ARNT2: variants seen among roughly 807,000 people sequenced by gnomAD.
The protein encoded by ARNT2 is aryl hydrocarbon receptor nuclear translocator 2, also known as ARNT protein 2.
In ARNT2, 36 loss-of-function variants were observed where a neutral mutation model predicts 91.7. The ratio of observed to expected loss-of-function variants is 0.39; its 90% confidence interval spans 0.30 to 0.52. The LOEUF is 0.52. ARNT2 is among the 20% of genes least tolerant of loss of function. ARNT2 has a pLI of 0.72. For missense variants in ARNT2, 775 were observed against 939.3 expected, an observed-to-expected ratio of 0.83 and a Z score of 2.29; for synonymous variants, 365 against 347.1, an observed-to-expected ratio of 1.05 and a Z score of -0.57.
chr15:80,597,008 T>C lies in ARNT2; in HGVS notation c.*3310T>C, dbSNP rs1893384440. The C allele has an allele frequency of 2.6e-6, 1 of 387,408 alleles. No individual in the cohort carries two copies. The highest frequency in any genetic ancestry group is 5.1e-6 in the Non-Finnish European group (1 of 194,646). 24.0% of individuals were successfully genotyped at this position (387,408 alleles called of 1,614,324 possible). A position where few individuals can be genotyped will look rare whatever the true frequency, so the allele number is the denominator to read the frequency against. The stretch of plus-strand genomic sequence containing the variant: ...TGCTCTACTCTCCAACATACCAGAT[T>C]CTACACTGTTGTTATTTCATGAGAC... On this transcript the variant is annotated 3_prime_UTR_variant, in exon 19 of 19. Coordinates refer to ENST00000303329, the MANE Select transcript of ARNT2 (RefSeq NM_014862.4).
At chr15:80,486,414 A>G (rs1332377753) in intron 5 of ARNT2, among the ~76,000 whole-genome samples, 1 of 152,148 alleles carries the variant, frequency 6.6e-6, no homozygotes, top group Non-Finnish European at 1.5e-5. Flanking sequence ...AGGCAGTGAA[A>G]CCAACAAGGG....
intron 3 of ARNT2, among the ~76,000 whole-genome samples, chr15:80,460,688 G>A (rs1896539942): frequency 6.6e-6 from 1 of 152,210 alleles, no homozygotes; most frequent in South Asian, 2.1e-4. Context: ...GACTGCAGTG[G>A]GCTGAGGACT....
intron 8 of ARNT2, among the ~76,000 whole-genome samples, chr15:80,546,527 G>A (rs1897993601): frequency 6.6e-6 from 1 of 152,206 alleles, no homozygotes; most frequent in African/African-American, 2.4e-5. Flanking sequence ...AGGATGTTTT[G>A]GTAGAGAGAT....
intron 5 of ARNT2, among the ~76,000 whole-genome samples, chr15:80,496,523 T>C (rs1897127741): frequency 6.6e-6 from 1 of 152,236 alleles, no homozygotes. Flanking sequence ...GGATAAATAG[T>C]TCTGAACTTG....
intron 12 of ARNT2, among the ~76,000 whole-genome samples, chr15:80,568,131 G>A (rs138176634): frequency 8.3e-4 from 126 of 152,224 alleles, no homozygotes; most frequent in African/African-American, 2.8e-3. Context: ...TTTTTTTCCT[G>A]TTCCATCAAA....
intron 7 of ARNT2, 87 bp from the exon 8 acceptor site, chr15:80,514,233 C>A (rs1897392644): frequency 2.9e-6 from 4 of 1,368,924 alleles, no homozygotes; most frequent in Non-Finnish European, 3.1e-6. Context: ...GACAAGGGAA[C>A]CCAGTAGCTT....
chr15:80,487,443 C>T (rs1482896588), intron 5 of ARNT2, among the ~76,000 whole-genome samples: 1 of 152,156 alleles, frequency 6.6e-6, no homozygotes, highest in Non-Finnish European at 1.5e-5. Context: ...GGAGAGGGTG[C>T]AGGGAGATGG....
intron 2 of ARNT2, 80 bp from the exon 3 acceptor site, chr15:80,457,849 C>T: frequency 6.7e-7 from 1 of 1,483,594 alleles, no homozygotes; most frequent in Non-Finnish European, 9.4e-7. Flanking sequence ...GAATAAAGCT[C>T]CTTTTGTTCC....
chr15:80,515,428 T>C (rs1034528432), intron 8 of ARNT2, among the ~76,000 whole-genome samples: 4 of 152,216 alleles, frequency 2.6e-5, no homozygotes, highest in Non-Finnish European at 5.9e-5. Flanking sequence ...TATTGATACA[T>C]GCTATATTAT....
intron 8 of ARNT2, among the ~76,000 whole-genome samples, chr15:80,526,398 A>G (rs944102976): frequency 3.3e-5 from 5 of 152,244 alleles, no homozygotes; most frequent in Non-Finnish European, 7.3e-5. Context: ...CCCCATTGTT[A>G]TCACCCAGCA....
At chr15:80,458,984 G>C (rs937148832) in intron 3 of ARNT2, among the ~76,000 whole-genome samples, 5 of 152,158 alleles carry the variant, frequency 3.3e-5, no homozygotes, top group African/African-American at 1.2e-4. Flanking sequence ...AGTTACCCTA[G>C]TTTTCTCCCC....
intron 3 of ARNT2, among the ~76,000 whole-genome samples, chr15:80,463,113 G>A (rs75916284): frequency 0.074 from 11,284 of 152,238 alleles, 613 homozygotes; most frequent in African/African-American, 0.15. Flanking sequence ...TAGTCTGAGC[G>A]TCTTAGCCTA....
At chr15:80,488,043 G>T (rs1476177345) in intron 5 of ARNT2, among the ~76,000 whole-genome samples, 1 of 152,178 alleles carries the variant, frequency 6.6e-6, no homozygotes, top group East Asian at 1.9e-4. Context: ...TGGCATTAGA[G>T]AACAAGCCGC....
chr15:80,558,502 G>T (rs1275242539), intron 11 of ARNT2, among the ~76,000 whole-genome samples: 2 of 151,954 alleles, frequency 1.3e-5, no homozygotes, highest in Non-Finnish European at 2.9e-5. Flanking sequence ...GTCACGGCTG[G>T]CTAATTTTTG....
chr15:80,567,806 C>G (rs749099063), intron 12 of ARNT2, among the ~76,000 whole-genome samples: 1 of 152,180 alleles, frequency 6.6e-6, no homozygotes, highest in Non-Finnish European at 1.5e-5. Context: ...ACTGAAAGGT[C>G]CTACACTGGT....
chr15:80,547,185 T>C (rs1898003529), intron 8 of ARNT2, among the ~76,000 whole-genome samples: 1 of 152,116 alleles, frequency 6.6e-6, no homozygotes, highest in Non-Finnish European at 1.5e-5. Context: ...CACTGAGATG[T>C]TATTTGCTGC....
intron 8 of ARNT2, among the ~76,000 whole-genome samples, chr15:80,519,312 G>A (rs954578804): frequency 6.6e-6 from 1 of 152,168 alleles, no homozygotes; most frequent in African/African-American, 2.4e-5. Flanking sequence ...GATATGGGGG[G>A]AAGAGGAATA....
At chr15:80,590,383 G>A (rs1423715290) in intron 17 of ARNT2, among the ~76,000 whole-genome samples, 2 of 152,124 alleles carry the variant, frequency 1.3e-5, no homozygotes, top group East Asian at 3.8e-4. Context: ...TCTCAAAAAC[G>A]TTTTTAGACA....
rs181360179 is a variant in ARNT2 at position 80,448,893 on chromosome 15, G to A, written c.32-1987G>A. Among the ~76,000 whole-genome samples the A allele has an allele frequency of 4.7e-3, 711 of 152,290 alleles. 5 individuals are homozygous for A. Among genetic ancestry groups the A allele is most frequent in the African/African-American group, 0.016 (673 of 41,556 alleles). On this transcript the variant is annotated intron_variant, in intron 1 of 18. Transcript: ENST00000303329. ...CCAGCTACTCGGGAGGCTGAGGCAG[G>A]AGAATGGCGTGAACCCGGGAGGTGG...
Sources: gnomAD v4.1 joint callset for allele counts (sites outside exome capture counted in the v4.1 genomes callset) on GRCh38, gnomAD v4.1.1 for gene constraint, MANE v1.5 for transcripts, NCBI Gene and HGNC (gene_info 2026-07-23, HGNC 2026-07-21) for gene names.